Variants in ZNF407 observed in about 807,000 individuals in gnomAD.
ZNF407 encodes the protein zinc finger protein 407.
ZNF407 carries 17 observed loss-of-function variants against 131.2 expected under a neutral mutation model. The ratio of observed to expected loss-of-function variants is 0.13; its 90% CI spans 0.09 to 0.19. The LOEUF is 0.19. Ranked by LOEUF, ZNF407 falls within the 10% of genes least tolerant of loss-of-function variation. The pLI is 1.00. For missense variants in ZNF407, 2,681 were observed against 2,830.6 expected, an observed-to-expected ratio of 0.95 and a Z score of 1.20; for synonymous variants, 1,156 against 1,062.0, an observed-to-expected ratio of 1.09 and a Z score of -1.72.
chr18:74,732,754 C>CT (rs1388875990), intron 3 of ZNF407, among the ~76,000 whole-genome samples: 1 of 152,122 alleles, frequency 6.6e-6, no homozygotes, highest in Non-Finnish European at 1.5e-5. Flanking sequence ...ATCGAAATAA[C>CT]TAAGTCTGTC....
chr18:74,709,603 C>T (rs780959764), intron 3 of ZNF407, among the ~76,000 whole-genome samples: 1 of 152,192 alleles, frequency 6.6e-6, no homozygotes, highest in Non-Finnish European at 1.5e-5. Context: ...TGGCGTTATT[C>T]AATCTCTGTG....
chr18:74,670,354 T>C lies in ZNF407; in HGVS notation c.4802+29232T>C, dbSNP rs558689267. On this transcript the variant is annotated intron_variant, in intron 3 of 8. Transcript: ENST00000299687. ...TAGATGATTTAATGTAGCATATAAATAAGAGCACAAAATTGGATGTCTGAA... is the reference window on the plus strand; with the variant it reads ...TAGATGATTTAATGTAGCATATAAACAAGAGCACAAAATTGGATGTCTGAA... Among the ~76,000 whole-genome samples the C allele has an allele frequency of 4.6e-5, 7 of 152,306 alleles. No homozygotes were observed. In the South Asian group the frequency reaches 1.4e-3, roughly 32 times the overall value.
intron 3 of ZNF407, 43 bp from the exon 4 acceptor site, chr18:74,781,385 G>C: frequency 7.7e-7 from 1 of 1,300,286 alleles, no homozygotes; most frequent in Non-Finnish European, 1.1e-6. Context: ...TTCTAGTGGA[G>C]AGTCAAGTTT....
chr18:74,796,462 T>G (rs1192011323), intron 4 of ZNF407, among the ~76,000 whole-genome samples: 1 of 152,216 alleles, frequency 6.6e-6, no homozygotes, highest in African/African-American at 2.4e-5. Flanking sequence ...GCTGCATTTT[T>G]CTATATAGCA....
intron 4 of ZNF407, among the ~76,000 whole-genome samples, chr18:74,799,013 C>T (rs927972327): frequency 2.6e-5 from 4 of 151,948 alleles, no homozygotes; most frequent in Non-Finnish European, 5.9e-5. Flanking sequence ...TAGTTAACAT[C>T]AAATCATAAT....
chr18:74,896,771 C>G (rs1295837246), intron 7 of ZNF407, among the ~76,000 whole-genome samples: 1 of 152,158 alleles, frequency 6.6e-6, no homozygotes, highest in Non-Finnish European at 1.5e-5. Context: ...GGTTCCCTAA[C>G]AAAATAAAAT....
At chr18:74,940,600 C>G (rs1187100422) in intron 8 of ZNF407, among the ~76,000 whole-genome samples, 1 of 152,112 alleles carries the variant, frequency 6.6e-6, no homozygotes, top group Non-Finnish European at 1.5e-5. Flanking sequence ...AGCAGAGAAG[C>G]GACATGGTAA....
chr18:75,048,976 G>T lies in ZNF407; in HGVS notation c.5429-14174G>T, dbSNP rs973209123. On this transcript the variant is annotated intron_variant, in intron 8 of 8. Coordinates refer to ENST00000299687, the MANE Select transcript of ZNF407 (RefSeq NM_017757.3). This position sits in a 1 kb window ranked among gnomAD's most constrained non-coding sequence, Gnocchi z 4.1. Reference sequence around the variant, plus strand: ...CCTTTTGTGGAGTCACCCTTGGCTGGCCTGGATGCAGTGGGGGCAGTGCTG... The same window carrying T: ...CCTTTTGTGGAGTCACCCTTGGCTGTCCTGGATGCAGTGGGGGCAGTGCTG... Among the ~76,000 whole-genome samples the T allele has an allele frequency of 1.3e-5, 2 of 152,084 alleles. No homozygotes were observed. The highest frequency in any genetic ancestry group is 4.8e-5 in the African/African-American group (2 of 41,386).
chr18:75,008,638 A>G (rs1435090819), intron 8 of ZNF407, among the ~76,000 whole-genome samples: 1 of 152,208 alleles, frequency 6.6e-6, no homozygotes, highest in Admixed American at 6.5e-5. Flanking sequence ...TACTTTGTGA[A>G]TTCCTTGTTC....
chr18:74,954,224 AC>A (rs1972250183), intron 8 of ZNF407, among the ~76,000 whole-genome samples: 2 of 152,202 alleles, frequency 1.3e-5, no homozygotes, highest in African/African-American at 2.4e-5. Flanking sequence ...AATCTCAAAA[AC>A]CAACTTACCC....
chr18:74,624,837 A>G (rs1024615184), intron 1 of ZNF407, among the ~76,000 whole-genome samples: 6 of 152,202 alleles, frequency 3.9e-5, no homozygotes, highest in Non-Finnish European at 8.8e-5. Context: ...TGCCCCCTCA[A>G]CAAACGACAA....
At position 74,634,120 on chromosome 18, in the gene ZNF407, T is replaced by C; in HGVS notation, c.3101T>C (p.Leu1034Pro). 1 of 1,614,046 alleles carries C rather than the reference T, an allele frequency of 6.2e-7. No homozygotes were observed. Among genetic ancestry groups the C allele is most frequent in the Non-Finnish European group, 8.5e-7 (1 of 1,179,908 alleles). Residue 1034 changes from leucine (L) to proline (P), a missense_variant, in exon 2 of 9, where the codon CTG becomes CCG. Leu to Pro is a moderately conservative substitution (Grantham distance 98). Transcript: ENST00000299687. ...FSAHSSASLE[L>P]HVKRKHTKEF... ...GCTCACTCCTCTGCTTCTCTAGAGC[T>C]GCATGTAAAACGGAAACATACAAAA...
chr18:74,692,392 A>T (rs993293187), intron 3 of ZNF407, among the ~76,000 whole-genome samples: 2 of 152,032 alleles, frequency 1.3e-5, no homozygotes, highest in Non-Finnish European at 2.9e-5. Flanking sequence ...AGCTTTCCAC[A>T]GGCCCCGCAT....
chr18:74,955,058 G>C (rs1972260112), intron 8 of ZNF407, among the ~76,000 whole-genome samples: 1 of 152,162 alleles, frequency 6.6e-6, no homozygotes, highest in South Asian at 2.1e-4. Context: ...CCTAAGTGTG[G>C]ATCTCATGAA....
At chr18:74,700,360 A>G (rs1007083707) in intron 3 of ZNF407, among the ~76,000 whole-genome samples, 15 of 152,210 alleles carry the variant, frequency 9.9e-5, no homozygotes, top group African/African-American at 3.4e-4. Context: ...CATTTTCTTT[A>G]GGTCAAGACT....
intron 4 of ZNF407, among the ~76,000 whole-genome samples, chr18:74,867,942 AAAT>A (rs1208398682): frequency 2.0e-5 from 3 of 152,160 alleles, no homozygotes; most frequent in Non-Finnish European, 4.4e-5. Flanking sequence ...ATGTAAAAGA[AAAT>A]AATGTTACTA....
intron 4 of ZNF407, among the ~76,000 whole-genome samples, chr18:74,859,392 G>T (rs1281430121): frequency 6.6e-6 from 1 of 152,118 alleles, no homozygotes; most frequent in Non-Finnish European, 1.5e-5. Flanking sequence ...AGTATTTAAC[G>T]TGTAACACTG....
intron 3 of ZNF407, among the ~76,000 whole-genome samples, chr18:74,687,323 G>A (rs1967118270): frequency 6.6e-6 from 1 of 152,112 alleles, no homozygotes; most frequent in African/African-American, 2.4e-5. Flanking sequence ...ACTGCAGCCT[G>A]GGCAACAAAG....
chr18:74,751,040 A>T (rs1968789164), intron 3 of ZNF407, among the ~76,000 whole-genome samples: 1 of 151,942 alleles, frequency 6.6e-6, no homozygotes, highest in East Asian at 1.9e-4. Context: ...TTGTCTTTTT[A>T]TTGAGTTTTC....
Sources: allele counts gnomAD v4.1 joint callset (sites outside exome capture counted in the v4.1 genomes callset), GRCh38; gene constraint gnomAD v4.1.1; non-coding constraint Gnocchi (gnomAD v3.1); transcripts MANE v1.5; gene names NCBI Gene and HGNC (gene_info 2026-07-23, HGNC 2026-07-21).